SLC8A3: variants seen among roughly 807,000 people sequenced by gnomAD.
SLC8A3 encodes the protein sodium/calcium exchanger 3.
A neutral mutation model predicts 65.4 loss-of-function variants in SLC8A3; 37 were observed. The ratio of observed to expected loss-of-function variants is 0.57; its 90% CI spans 0.44 to 0.74. SLC8A3 has a LOEUF of 0.74. Among genes scored for constraint, SLC8A3 ranks in the 30% least tolerant of loss-of-function variants. The probability of loss-of-function intolerance (pLI) is 0.00; values close to 1 mark genes in which losing one functional copy is unlikely to be tolerated. For synonymous variants in SLC8A3, 461 were observed against 444.5 expected, an observed-to-expected ratio of 1.04 and a Z score of -0.47; for missense variants, 1,112 against 1,172.1, an observed-to-expected ratio of 0.95 and a Z score of 0.75.
chr14:70,164,238 G>A (rs1052829562), intron 2 of SLC8A3, among the ~76,000 whole-genome samples: 3 of 152,126 alleles, frequency 2.0e-5, no homozygotes, highest in Non-Finnish European at 4.4e-5. Flanking sequence ...TAAATCAGTA[G>A]TGGAGCCAGA....
At chr14:70,171,590 C>A (rs1452472089) in intron 1 of SLC8A3, among the ~76,000 whole-genome samples, 1 of 152,178 alleles carries the variant, frequency 6.6e-6, no homozygotes, top group African/African-American at 2.4e-5. Context: ...CACTTGAGGT[C>A]AGGAGTTCAA....
chr14:70,111,646 T>C (rs750711132), intron 2 of SLC8A3, among the ~76,000 whole-genome samples: 3 of 152,254 alleles, frequency 2.0e-5, no homozygotes, highest in Non-Finnish European at 4.4e-5. Context: ...GCTGGCAACT[T>C]ACTTTCTGTG....
At chr14:70,125,705 T>A (rs1894397515) in intron 2 of SLC8A3, among the ~76,000 whole-genome samples, 1 of 152,180 alleles carries the variant, frequency 6.6e-6, no homozygotes, top group Non-Finnish European at 1.5e-5. Flanking sequence ...AAAGTGGGAT[T>A]GCTGGATCAT....
At chr14:70,163,105 G>T (rs1255885038) in intron 2 of SLC8A3, among the ~76,000 whole-genome samples, 1 of 152,224 alleles carries the variant, frequency 6.6e-6, no homozygotes, top group Non-Finnish European at 1.5e-5. Flanking sequence ...TAGTAATGTA[G>T]CTAGTACATA....
chr14:70,072,730 C>T (rs1294965950), intron 2 of SLC8A3, among the ~76,000 whole-genome samples: 4 of 152,194 alleles, frequency 2.6e-5, no homozygotes, highest in African/African-American at 9.7e-5. Context: ...TCACTGCAAC[C>T]TTTGCCTCCC....
chr14:70,138,810 C>T (rs1594744720), intron 2 of SLC8A3, among the ~76,000 whole-genome samples: 1 of 152,222 alleles, frequency 6.6e-6, no homozygotes, highest in Non-Finnish European at 1.5e-5. Context: ...GAAAGGACCA[C>T]AGTCTCAGTG....
At chr14:70,084,740 G>A (rs1399483888) in intron 2 of SLC8A3, among the ~76,000 whole-genome samples, 4 of 152,168 alleles carry the variant, frequency 2.6e-5, no homozygotes, top group Non-Finnish European at 5.9e-5. Flanking sequence ...GAGGAGAAAC[G>A]GAGTTGGAGT....
At chr14:70,143,768 C>T (rs1895723542) in intron 2 of SLC8A3, among the ~76,000 whole-genome samples, 1 of 152,252 alleles carries the variant, frequency 6.6e-6, no homozygotes, top group South Asian at 2.1e-4. Context: ...TTTGGTGCTT[C>T]TGTTCCAGAA....
chr14:70,072,819 T>C (rs987187406), intron 2 of SLC8A3, among the ~76,000 whole-genome samples: 10 of 152,140 alleles, frequency 6.6e-5, no homozygotes, highest in African/African-American at 2.4e-4. Flanking sequence ...AGCTAATTTT[T>C]GTATTTTTAG....
intron 2 of SLC8A3, among the ~76,000 whole-genome samples, chr14:70,123,828 C>T (rs1425153514): frequency 6.6e-6 from 1 of 151,936 alleles, no homozygotes; most frequent in Admixed American, 6.6e-5. Flanking sequence ...TCTACATGAC[C>T]TCCATTTTTT....
chr14:70,164,821 A>G (rs1217111453), intron 2 of SLC8A3, among the ~76,000 whole-genome samples: 2 of 152,196 alleles, frequency 1.3e-5, no homozygotes, highest in Non-Finnish European at 2.9e-5. Context: ...ATCATGTGAA[A>G]TTCCATGGAG....
Position 70,126,580 on chromosome 14 carries a change from A to T in SLC8A3, c.1784+40059T>A, listed in dbSNP as rs1014008590. ...CTCTCTCTCTCTCTCTCACACACAC[A>T]CACACACACACACACACACACACAC... On this transcript the variant is annotated intron_variant, in intron 2 of 6. Coordinates refer to ENST00000356921, the MANE Select transcript of SLC8A3 (RefSeq NM_182932.3). Among the ~76,000 whole-genome samples the T allele has an allele frequency of 5.9e-3, 691 of 117,986 alleles. 6 individuals carry two copies. Among genetic ancestry groups the T allele is most frequent in the African/African-American group, 0.018 (639 of 35,914 alleles). The allele number at this position is 117,986 out of a possible 152,430, so 77.4% of individuals were successfully genotyped here.
intron 2 of SLC8A3, among the ~76,000 whole-genome samples, chr14:70,129,542 A>G (rs1894686188): frequency 6.6e-6 from 1 of 152,236 alleles, no homozygotes; most frequent in Non-Finnish European, 1.5e-5. Flanking sequence ...AAGGCAGAGC[A>G]TTTAGTAAGC....
At chr14:70,147,109 A>T (rs1454759491) in intron 2 of SLC8A3, among the ~76,000 whole-genome samples, 3 of 152,150 alleles carry the variant, frequency 2.0e-5, no homozygotes, top group Admixed American at 6.5e-5. Context: ...ATGAGGCGTG[A>T]CTATTTGGGG....
intron 2 of SLC8A3, among the ~76,000 whole-genome samples, chr14:70,133,196 G>T (rs1054456118): frequency 1.3e-5 from 2 of 152,028 alleles, no homozygotes; most frequent in African/African-American, 4.8e-5. Context: ...TTTACCATTT[G>T]TTCAAGCCAA....
At chr14:70,178,443 C>G (rs187201169) in intron 1 of SLC8A3, among the ~76,000 whole-genome samples, 29 of 152,242 alleles carry the variant, frequency 1.9e-4, no homozygotes, top group Admixed American at 1.0e-3. Flanking sequence ...ATGAACACTG[C>G]CTAAAGGTTA....
chr14:70,166,704 G>C lies in SLC8A3; in HGVS notation c.1719C>G (p.Ala573=), dbSNP rs896051857. 1 of 1,613,750 alleles carries C rather than the reference G, an allele frequency of 6.2e-7. No homozygotes were observed. The highest frequency in any genetic ancestry group is 1.3e-5 in the African/African-American group (1 of 74,898). The change falls in exon 2 of 7, where the codon GCC becomes GCG. Residue 573 remains alanine (A), a synonymous_variant. Coordinates refer to ENST00000356921, the MANE Select transcript of SLC8A3 (RefSeq NM_182932.3). ...CTTCAAAGTCCTCACCGCCACCCTT[G>C]GCTGTCCCTTCTACTGTCCTAAAGG... is the stretch of plus-strand genomic sequence containing the variant. The part of the protein sequence containing the change: ...IVPFRTVEGT[A]KGGGEDFEDT...
intron 2 of SLC8A3, among the ~76,000 whole-genome samples, chr14:70,103,639 A>G (rs1251790979): frequency 6.6e-6 from 1 of 152,088 alleles, no homozygotes; most frequent in African/African-American, 2.4e-5. Flanking sequence ...AACAATAAAA[A>G]ATAATACAAA....
chr14:70,154,407 C>T (rs922040146), intron 2 of SLC8A3, among the ~76,000 whole-genome samples: 2 of 152,202 alleles, frequency 1.3e-5, no homozygotes, highest in African/African-American at 4.8e-5. Context: ...AGTCTCACTT[C>T]CCAAAAGAAA....
Sources: allele counts gnomAD v4.1 joint callset (sites outside exome capture counted in the v4.1 genomes callset), GRCh38; gene constraint gnomAD v4.1.1; transcripts MANE v1.5; gene names NCBI Gene and HGNC (gene_info 2026-07-23, HGNC 2026-07-21).